Variants in ADAM20 observed in about 807,000 individuals in gnomAD.
ADAM20 encodes the protein ADAM metallopeptidase domain 20, also known as disintegrin and metalloproteinase domain-containing protein 20.
For missense variants in ADAM20, 871 were observed against 883.2 expected (o/e 0.99, Z 0.18); for synonymous variants, 305 against 310.2 (o/e 0.98, Z 0.18).
chr14:70,563,243 C>T, the ADAM20 span, among the ~76,000 whole-genome samples: 2 of 152,044 alleles, frequency 1.3e-5, no homozygotes, highest in Non-Finnish European at 2.9e-5. Context: ...GCCCTCATTA[C>T]AACCTCACGA....
upstream of ADAM20, among the ~76,000 whole-genome samples, chr14:70,539,410 G>A (rs896050825): frequency 2.5e-4 from 38 of 152,208 alleles, no homozygotes; most frequent in African/African-American, 8.0e-4. Flanking sequence ...AATGGAATGC[G>A]ACCCTTGTGG....
At position 70,524,049 on chromosome 14, in the gene ADAM20, C is replaced by T. The variant is rs531350369; in HGVS notation, c.709G>A (p.Val237Ile). 35 of 1,613,852 alleles carry T rather than the reference C, an allele frequency of 2.2e-5. No homozygotes were observed. Among genetic ancestry groups the T allele is most frequent in the African/African-American group, 6.7e-5 (5 of 75,008 alleles). The change falls in exon 2 of 2, where the codon GTT (valine) becomes ATT (isoleucine). Residue 237 changes from valine (V) to isoleucine (I), a missense_variant. Val to Ile is a conservative substitution (Grantham distance 29). Transcript: ENST00000256389. ...TAGAAGGAATCCACTATATTGACAA[C>T]GTTAAATACTTCATGCTGCACTGTT... ...ATTVQHEVFN[V>I]VNIVDSFYHP...
Position 70,522,694 on chromosome 14 carries a change from CA to C in ADAM20, c.2063del (p.Met688ArgfsTer?). The C allele has an allele frequency of 3.1e-6, 5 of 1,613,994 alleles. No homozygotes were observed. The highest frequency in any genetic ancestry group is 4.2e-6 in the Non-Finnish European group (5 of 1,179,910). On this transcript the variant is annotated frameshift_variant, in exon 2 of 2. Coordinates refer to ENST00000256389, the MANE Select transcript of ADAM20 (RefSeq NM_003814.5). LOFTEE classifies it low-confidence loss of function (END_TRUNC). The part of the protein sequence containing the change: ...PKNNMEGLNV[M>X]GKLRYLSLLC... ...ATAGTGACAGGTAACGCAACTTTCC[CA>C]TCACATTTAATCCTTCCATGTTGTT...
chr14:70,546,817 A>G, the ADAM20 span, among the ~76,000 whole-genome samples: 1 of 152,218 alleles, frequency 6.6e-6, no homozygotes, highest in Non-Finnish European at 1.5e-5. Context: ...CAGAGCAAAG[A>G]TAAATGAAAT....
chr14:70,541,343 C>A, the ADAM20 span, among the ~76,000 whole-genome samples: 741 of 152,182 alleles, frequency 4.9e-3, 8 homozygotes, highest in African/African-American at 0.017. Flanking sequence ...AGACCTAGGA[C>A]ACATTTTTAC....
chr14:70,562,035 G>A, the ADAM20 span, among the ~76,000 whole-genome samples: 164 of 152,358 alleles, frequency 1.1e-3, no homozygotes, highest in African/African-American at 3.7e-3. Flanking sequence ...CAGAATGGCA[G>A]ATCCATGGAC....
rs1390326865 is a variant in ADAM20 at position 70,524,383 on chromosome 14, A to G, written c.375T>C (p.Leu125=). The G allele has an allele frequency of 6.2e-7, 1 of 1,614,018 alleles. No individual in the cohort carries two copies. The highest frequency in any genetic ancestry group is 8.5e-7 in the Non-Finnish European group (1 of 1,179,930). Residue 125 remains leucine, a synonymous_variant, in exon 2 of 2, where the codon CTT becomes CTC. Coordinates refer to ENST00000256389, the MANE Select transcript of ADAM20 (RefSeq NM_003814.5). Reference sequence around the variant, plus strand: ...CAAGAAAGCCCCCAGAACAGGTACTAAGGGCAACCAAGGACTCAGGGACCC... The same window carrying G: ...CAAGAAAGCCCCCAGAACAGGTACTGAGGGCAACCAAGGACTCAGGGACCC... ...VEGVPESLVA[L]STCSGGFLGM...
the ADAM20 span, among the ~76,000 whole-genome samples, chr14:70,569,885 CAAAA>C: frequency 0.032 from 2,466 of 76,076 alleles, 1 homozygote; most frequent in African/African-American, 0.047. Flanking sequence ...AGAAAACTAA[CAAAA>C]AAAAAAAAAA....
the ADAM20 span, among the ~76,000 whole-genome samples, chr14:70,546,844 C>T: frequency 2.0e-5 from 3 of 151,774 alleles, no homozygotes; most frequent in African/African-American, 7.2e-5. Context: ...GAAGAAAATA[C>T]AAAAGATCAA....
At chr14:70,569,003 A>G in the ADAM20 span, among the ~76,000 whole-genome samples, 1 of 152,144 alleles carries the variant, frequency 6.6e-6, no homozygotes, top group Non-Finnish European at 1.5e-5. Context: ...TTAATACAAA[A>G]AAAAACCTTA....
chr14:70,544,142 T>TC, the ADAM20 span, among the ~76,000 whole-genome samples: 1 of 151,542 alleles, frequency 6.6e-6, no homozygotes, highest in Non-Finnish European at 1.5e-5. Context: ...CATAAACTTC[T>TC]CCCCCACACA....
the ADAM20 span, among the ~76,000 whole-genome samples, chr14:70,569,912 A>C: frequency 1.4e-5 from 2 of 139,844 alleles, no homozygotes; most frequent in South Asian, 2.3e-4. Flanking sequence ...AAAAAAAAAA[A>C]AACACTCTGG....
the ADAM20 span, among the ~76,000 whole-genome samples, chr14:70,576,276 T>C: frequency 9.2e-5 from 14 of 152,178 alleles, no homozygotes; most frequent in African/African-American, 2.9e-4. Flanking sequence ...TCAGAAATTT[T>C]AGAAGGGGGC....
chr14:70,555,270 CA>C, the ADAM20 span, among the ~76,000 whole-genome samples: 1 of 150,660 alleles, frequency 6.6e-6, no homozygotes, highest in East Asian at 2.0e-4. Context: ...GTTCGCACCA[CA>C]AAAAAAAGAA....
chr14:70,531,332 G>A (rs938748988), intron 1 of ADAM20, among the ~76,000 whole-genome samples: 2 of 151,958 alleles, frequency 1.3e-5, no homozygotes, highest in Admixed American at 6.6e-5. Flanking sequence ...AAAAATACTT[G>A]ACATTCTAGG....
In ADAM20 at chr14:70,522,971, T is replaced by A. The variant is rs368597979; in HGVS notation, c.1787A>T (p.Tyr596Phe). The A allele has an allele frequency of 3.7e-6, 6 of 1,614,078 alleles. No homozygotes were observed. The highest frequency in any genetic ancestry group is 2.5e-6 in the Non-Finnish European group (3 of 1,179,974). Residue 596 changes from tyrosine to phenylalanine, a missense_variant, in exon 2 of 2, where the codon TAT becomes TTT. Physicochemically the swap from Tyr to Phe is conservative, Grantham distance 22. Coordinates refer to ENST00000256389, the MANE Select transcript of ADAM20 (RefSeq NM_003814.5). ...ATCAGGTATAGCCATCCCTAAATGA[T>A]AATCAGTGCCCCAGCAAGTGGTGTC... ...LNDTTCWGTD[Y>F]HLGMAIPDIG... is the part of the protein sequence containing the mutation.
upstream of ADAM20, among the ~76,000 whole-genome samples, chr14:70,538,639 T>C (rs968727627): frequency 3.9e-5 from 6 of 152,196 alleles, no homozygotes; most frequent in South Asian, 6.2e-4. Flanking sequence ...CTGGGACTCA[T>C]TGGGAAAACA....
the ADAM20 span, among the ~76,000 whole-genome samples, chr14:70,568,819 C>CA: frequency 8.5e-4 from 128 of 150,858 alleles, 1 homozygote; most frequent in Middle Eastern, 3.4e-3. Flanking sequence ...CCAGATAAAG[C>CA]AAAAAAAAGA....
At position 70,522,928 on chromosome 14, in the gene ADAM20, A is replaced by G. The variant is rs759416405; in HGVS notation, c.1830T>C (p.Asp610=). The G allele has an allele frequency of 1.2e-6, 2 of 1,613,966 alleles. No individual in the cohort carries two copies. The highest frequency in any genetic ancestry group is 1.7e-5 in the Admixed American group (1 of 59,976). ...MAIPDIGEVK[D]GTVCGPEKIC... ...TCTTTTCTGGACCACATACTGTGCC[A>G]TCTTTCACCTCACCAATATCAGGTA... Residue 610 remains aspartate, a synonymous_variant, in exon 2 of 2, where the codon GAT becomes GAC. Transcript: ENST00000256389.
Sources: allele counts gnomAD v4.1 joint callset (sites outside exome capture counted in the v4.1 genomes callset), GRCh38; gene constraint gnomAD v4.1.1; transcripts MANE v1.5; gene names NCBI Gene and HGNC (gene_info 2026-07-23, HGNC 2026-07-21).